Variants in TSPAN9 observed in about 807,000 individuals in gnomAD.
The protein encoded by TSPAN9 is tetraspanin-9.
A neutral mutation model predicts 31.0 loss-of-function variants in TSPAN9; 16 were observed. That is an observed-to-expected ratio of 0.52 (90% CI 0.35 to 0.78). The LOEUF (loss-of-function observed/expected upper bound fraction) is 0.78, where lower values mean the gene tolerates loss of function less well. Ranked by LOEUF, TSPAN9 falls within the 30% of genes least tolerant of loss-of-function variation. TSPAN9 has a pLI of 0.01. For synonymous variants in TSPAN9, 145 were observed against 121.6 expected (o/e 1.19, Z -1.27); for missense variants, 272 against 312.5 (o/e 0.87, Z 0.98).
At position 3,082,764 on chromosome 12, in the gene TSPAN9, C is replaced by T. The variant is rs367763124; in HGVS notation, c.-84-889C>T. On this transcript the variant is annotated intron_variant, in intron 1 of 8. Coordinates refer to ENST00000011898, the MANE Select transcript of TSPAN9 (RefSeq NM_006675.5). The stretch of plus-strand genomic sequence containing the variant: ...AAGGGGGATTGAAGCTGATTCTGTG[C>T]TGGGTGATTGTGAAAATGCAATGCC... Among the ~76,000 whole-genome samples the T allele has an allele frequency of 3.9e-4, 59 of 152,234 alleles. 1 individual carries two copies. In the East Asian group the frequency reaches 8.5e-3, roughly 22 times the overall value.
intron 2 of TSPAN9, among the ~76,000 whole-genome samples, chr12:3,177,608 T>G (rs571703712): frequency 6.6e-6 from 1 of 152,232 alleles, no homozygotes; most frequent in Admixed American, 6.5e-5. Context: ...AGTTTTTGTA[T>G]TTTTAGTAGA....
intron 2 of TSPAN9, among the ~76,000 whole-genome samples, chr12:3,096,300 C>T (rs1231340398): frequency 2.0e-5 from 3 of 152,198 alleles, no homozygotes; most frequent in Admixed American, 1.3e-4. Flanking sequence ...CCTCCCGATT[C>T]CCCACGACTC....
chr12:3,196,880 C>A (rs2098367301), intron 2 of TSPAN9, among the ~76,000 whole-genome samples: 1 of 152,200 alleles, frequency 6.6e-6, no homozygotes, highest in East Asian at 1.9e-4. Flanking sequence ...ATGGAAAGAT[C>A]CAGGGACAAT....
At chr12:3,133,978 G>C (rs2098330957) in intron 2 of TSPAN9, among the ~76,000 whole-genome samples, 2 of 152,164 alleles carry the variant, frequency 1.3e-5, no homozygotes, top group African/African-American at 4.8e-5. Context: ...ATTATAAACA[G>C]GGTCAGCGCT....
At chr12:3,190,041 G>A (rs1267298795) in intron 2 of TSPAN9, among the ~76,000 whole-genome samples, 1 of 152,208 alleles carries the variant, frequency 6.6e-6, no homozygotes, top group Non-Finnish European at 1.5e-5. Flanking sequence ...CTGGGGCGCT[G>A]GTTCTTCTCC....
At chr12:3,228,481 G>C (rs2153975784) in intron 3 of TSPAN9, among the ~76,000 whole-genome samples, 1 of 152,332 alleles carries the variant, frequency 6.6e-6, no homozygotes, top group South Asian at 2.1e-4. Flanking sequence ...CTAGGGGGAA[G>C]ATCCAGGACT....
At chr12:3,231,487 C>T (rs962984061) in intron 3 of TSPAN9, among the ~76,000 whole-genome samples, 12 of 152,216 alleles carry the variant, frequency 7.9e-5, no homozygotes, top group Non-Finnish European at 1.5e-4. Context: ...CGGAGAGATG[C>T]CGTCGGCAGA....
At chr12:3,229,332 G>A (rs1220486782) in intron 3 of TSPAN9, among the ~76,000 whole-genome samples, 3 of 152,202 alleles carry the variant, frequency 2.0e-5, no homozygotes, top group Non-Finnish European at 2.9e-5. Context: ...AACCTCATTG[G>A]TCTCGTGGCC....
At chr12:3,186,054 A>G (rs2098361155) in intron 2 of TSPAN9, among the ~76,000 whole-genome samples, 1 of 152,120 alleles carries the variant, frequency 6.6e-6, no homozygotes, top group South Asian at 2.1e-4. Flanking sequence ...GGTGGGATGG[A>G]GGATGCAGCT....
intron 3 of TSPAN9, among the ~76,000 whole-genome samples, chr12:3,238,683 A>G (rs534004878): frequency 6.6e-6 from 1 of 152,346 alleles, no homozygotes; most frequent in East Asian, 1.9e-4. Context: ...TCCACTCAAA[A>G]AACGGGGTAA....
At chr12:3,220,132 C>T (rs954488931) in intron 3 of TSPAN9, among the ~76,000 whole-genome samples, 1 of 113,378 alleles carries the variant, frequency 8.8e-6, no homozygotes, top group African/African-American at 3.6e-5. Context: ...GTGACAAGAG[C>T]GAAACTCTGT....
intron 5 of TSPAN9, 43 bp downstream of exon 5, chr12:3,279,109 C>T: frequency 6.3e-7 from 1 of 1,586,414 alleles, no homozygotes; most frequent in Non-Finnish European, 8.7e-7. Context: ...AATGTCACTG[C>T]CCTTAGAGTT....
intron 3 of TSPAN9, chr12:3,273,012 G>A (rs11612438): frequency 0.091 from 13,808 of 152,352 alleles, 701 homozygotes; most frequent in Non-Finnish European, 0.098. Flanking sequence ...TACCTGCTGC[G>A]CGTATTGTGG....
At chr12:3,118,242 C>T (rs1347880572) in intron 2 of TSPAN9, among the ~76,000 whole-genome samples, 2 of 113,956 alleles carry the variant, frequency 1.8e-5, no homozygotes, top group Non-Finnish European at 3.8e-5. Context: ...TTCCGCACCG[C>T]CCCTGCACCC....
chr12:3,152,795 C>T (rs2098340463), intron 2 of TSPAN9, among the ~76,000 whole-genome samples: 1 of 152,210 alleles, frequency 6.6e-6, no homozygotes, highest in Admixed American at 6.5e-5. Context: ...ACCATGTTGG[C>T]CAGGCTGGTC....
At chr12:3,278,385 G>A (rs1196244504) in intron 3 of TSPAN9, 36 bp from the exon 4 acceptor site, 1 of 1,609,168 alleles carries the variant, frequency 6.2e-7, no homozygotes, top group East Asian at 2.2e-5. Context: ...GAATGTGAGA[G>A]CAGCGCCAGG....
chr12:3,158,293 G>A (rs998717784), intron 2 of TSPAN9, among the ~76,000 whole-genome samples: 6 of 152,252 alleles, frequency 3.9e-5, no homozygotes, highest in African/African-American at 7.2e-5. Context: ...CCTGTGGATG[G>A]AGCTACCTTT....
At chr12:3,220,117 C>T (rs1334420344) in intron 3 of TSPAN9, among the ~76,000 whole-genome samples, 1 of 146,236 alleles carries the variant, frequency 6.8e-6, no homozygotes, top group Admixed American at 6.8e-5. Context: ...TGCACTCCAG[C>T]CTGGGTGACA....
intron 2 of TSPAN9, among the ~76,000 whole-genome samples, chr12:3,128,976 AT>A (rs1299815249): frequency 5.3e-5 from 8 of 152,080 alleles, no homozygotes; most frequent in Admixed American, 6.5e-5. Context: ...CTGGCTATGA[AT>A]TGGATTATTC....
Sources: gnomAD v4.1 joint callset for allele counts (sites outside exome capture counted in the v4.1 genomes callset) on GRCh38, gnomAD v4.1.1 for gene constraint, MANE v1.5 for transcripts, NCBI Gene and HGNC (gene_info 2026-07-23, HGNC 2026-07-21) for gene names.